Variants in SSBP4 observed in about 807,000 individuals in gnomAD.
SSBP4 encodes the protein single stranded DNA binding protein 4, also known as single-stranded DNA-binding protein 4.
In SSBP4, 33 loss-of-function variants were observed where a neutral mutation model predicts 64.6. That is an observed-to-expected ratio of 0.51 (90% CI 0.39 to 0.68). SSBP4 has a LOEUF of 0.68. Among genes scored for constraint, SSBP4 ranks in the 30% least tolerant of loss-of-function variants. The pLI is 0.00. For synonymous variants in SSBP4, 243 were observed against 224.0 expected, an observed-to-expected ratio of 1.08 and a Z score of -0.76; for missense variants, 583 against 566.8, an observed-to-expected ratio of 1.03 and a Z score of -0.29.
Position 18,431,809 on chromosome 19 carries a change from C to A in SSBP4, c.512C>A (p.Pro171His). The stretch of plus-strand genomic sequence containing the variant: ...CCTCCGCAGCCTCCCGCAGGCCTCC[C>A]TGGCTCCCAGCCCCTCCTCCCTGGC... ...RMPSQPPAGLPGSQPLLPGAM... is the reference protein window; with the variant it reads ...RMPSQPPAGLHGSQPLLPGAM... The change falls in exon 8 of 18, where the codon CCT becomes CAT. Residue 171 changes from proline (P) to histidine (H), a missense_variant. Physicochemically the swap from Pro to His is moderately conservative, Grantham distance 77. Transcript: ENST00000270061. 1 of 1,563,638 alleles carries A rather than the reference C, an allele frequency of 6.4e-7. No homozygotes were observed. Among genetic ancestry groups the A allele is most frequent in the African/African-American group, 1.4e-5 (1 of 73,826 alleles).
intron 1 of SSBP4, among the ~76,000 whole-genome samples, chr19:18,420,796 G>C (rs1214159976): frequency 6.6e-6 from 1 of 151,254 alleles, no homozygotes; most frequent in Admixed American, 6.6e-5. Flanking sequence ...AGGTTGCAGT[G>C]AGCCGAGATC....
At chr19:18,429,059 C>T (rs1398805934) in intron 4 of SSBP4, among the ~76,000 whole-genome samples, 3 of 152,182 alleles carry the variant, frequency 2.0e-5, no homozygotes, top group African/African-American at 7.2e-5. Flanking sequence ...GCAGCGCCGG[C>T]GCAGAGCGTA....
At chr19:18,414,653 C>G (rs930769271), upstream of SSBP4, among the ~76,000 whole-genome samples, 1 of 152,160 alleles carries the variant, frequency 6.6e-6, no homozygotes, top group African/African-American at 2.4e-5. Flanking sequence ...ACACAAGGTG[C>G]TAGAAGCACA....
chr19:18,433,363 C>G (rs1048691594), intron 15 of SSBP4, 150 bp downstream of exon 15: 3 of 1,276,580 alleles, frequency 2.4e-6, no homozygotes, highest in Non-Finnish European at 3.2e-6. Context: ...GGGGCTGCCC[C>G]GAGCTGGAGG....
At chr19:18,406,567 G>A in the SSBP4 span, among the ~76,000 whole-genome samples, 1 of 151,952 alleles carries the variant, frequency 6.6e-6, no homozygotes, top group Non-Finnish European at 1.5e-5. Flanking sequence ...AGGATCCGTT[G>A]GGCCCAGGAG....
intron 10 of SSBP4, 118 bp from the exon 11 acceptor site, chr19:18,432,441 C>T (rs1353867762): frequency 1.4e-6 from 2 of 1,444,310 alleles, no homozygotes; most frequent in Non-Finnish European, 1.9e-6. Flanking sequence ...TTTCCAGCAA[C>T]ATCTGCTGCT....
In SSBP4 at chr19:18,432,504, GGGCTGTGA is replaced by G. The variant is rs1973498507; in HGVS notation, c.705-54_705-47del. ...GCAGGGTGTGGGGGGTGTGTGGTGA[GGGCTGTGA>G]TCCACATGGACTAGCCCCAGAGTCT... On this transcript the variant is annotated intron_variant, in intron 10 of 17. Transcript: ENST00000270061. 17 of 1,528,880 alleles carry G rather than the reference GGGCTGTGA, an allele frequency of 1.1e-5. 1 individual carries two copies. The South Asian group carries it at 2.2e-4, about 19-fold the overall frequency. 94.7% of individuals were successfully genotyped at this position (1,528,880 alleles called of 1,614,324 possible). A position where few individuals can be genotyped will look rare whatever the true frequency, so the allele number is the denominator to read the frequency against.
upstream of SSBP4, among the ~76,000 whole-genome samples, chr19:18,417,427 C>T (rs1972158183): frequency 6.6e-6 from 1 of 152,170 alleles, no homozygotes; most frequent in Non-Finnish European, 1.5e-5. The surrounding 1 kb of genome is among the most constrained non-coding windows in gnomAD (Gnocchi z 5.4). Flanking sequence ...CTGGGGGTGG[C>T]AGGAGGGGCA....
chr19:18,407,477 C>T, the SSBP4 span, among the ~76,000 whole-genome samples: 2 of 152,090 alleles, frequency 1.3e-5, no homozygotes, highest in East Asian at 1.9e-4. Context: ...AGTGCAGTGG[C>T]GTGATCTGGG....
upstream of SSBP4, among the ~76,000 whole-genome samples, chr19:18,415,677 G>A (rs943747679): frequency 4.6e-5 from 7 of 152,190 alleles, no homozygotes; most frequent in African/African-American, 1.4e-4. Context: ...AGGAGCCTCA[G>A]TAGGCCAGGC....
chr19:18,421,656 C>T (rs945586383), intron 1 of SSBP4, among the ~76,000 whole-genome samples: 1 of 152,206 alleles, frequency 6.6e-6, no homozygotes, highest in Non-Finnish European at 1.5e-5. Flanking sequence ...GTGGAGGGCA[C>T]AGCAAGTGCA....
chr19:18,427,310 C>T lies in SSBP4; in HGVS notation c.60-41C>T. ...GAGGGGCTTTGGGGTGGGCCCTTGC[C>T]TTGGAGAGTCTGAGCTCCCTGGGCC... On this transcript the variant is annotated intron_variant, in intron 1 of 17. Transcript: ENST00000270061. The surrounding 1 kb of genome is among the most constrained non-coding windows in gnomAD (Gnocchi z 4.4). 3 of 1,600,930 alleles carry T rather than the reference C, an allele frequency of 1.9e-6. No homozygotes were observed. Among genetic ancestry groups the T allele is most frequent in the Non-Finnish European group, 2.5e-6 (3 of 1,176,768 alleles).
chr19:18,402,752 A>G, the SSBP4 span, among the ~76,000 whole-genome samples: 1 of 152,154 alleles, frequency 6.6e-6, no homozygotes, highest in Admixed American at 6.5e-5. Context: ...CCAGGGGCAC[A>G]ATGCACTGCA....
rs1343553831 is a variant in SSBP4, at chr19:18,432,529, C to T, written c.705-30C>T. On this transcript the variant is annotated intron_variant, in intron 10 of 17. Coordinates refer to ENST00000270061, the MANE Select transcript of SSBP4 (RefSeq NM_032627.5). ...GGGCTGTGATCCACATGGACTAGCCCCAGAGTCTGTCATCCGCGGTCTCTT... is the reference window on the plus strand; with the variant it reads ...GGGCTGTGATCCACATGGACTAGCCTCAGAGTCTGTCATCCGCGGTCTCTT... The T allele has an allele frequency of 3.2e-6, 5 of 1,552,008 alleles. No individual in the cohort carries two copies. In the South Asian group the frequency reaches 3.7e-5, roughly 11 times the overall value.
At position 18,428,001 on chromosome 19, in the gene SSBP4, G is replaced by C; in HGVS notation, c.279+19G>C. On this transcript the variant is annotated intron_variant, in intron 4 of 17. Coordinates refer to ENST00000270061, the MANE Select transcript of SSBP4 (RefSeq NM_032627.5). ...GGACTATGTGAGTCCTGGCCCCAGG[G>C]ACTCAGGGGCTCCAGGGCGGGAGGT... is the stretch of plus-strand genomic sequence containing the variant. 6.4e-7 allele frequency: 1 copy of C among 1,554,972 alleles called. No individual in the cohort carries two copies. Among genetic ancestry groups the C allele is most frequent in the South Asian group, 1.1e-5 (1 of 90,566 alleles).
the SSBP4 span, among the ~76,000 whole-genome samples, chr19:18,413,596 C>T: frequency 1.3e-5 from 2 of 152,180 alleles, 1 homozygote; most frequent in African/African-American, 4.8e-5. Flanking sequence ...ATGTGGGGCA[C>T]ATGGGTATCC....
At chr19:18,430,125 C>G (rs35183199) in intron 4 of SSBP4, among the ~76,000 whole-genome samples, 14,501 of 152,198 alleles carry the variant, frequency 0.095, 958 homozygotes, top group Non-Finnish European at 0.13. Flanking sequence ...TGGCCTGGAC[C>G]ATACAGACAG....
chr19:18,431,773 C>CA lies in SSBP4; in HGVS notation c.496-20_496-19insA. ...GGGAGGGAGCACCCCACACTCAGTG[C>CA]CGCCGCACCCCCTCCGCAGCCTCCC... On this transcript the variant is annotated intron_variant, in intron 7 of 17. Transcript: ENST00000270061. 1.3e-6 allele frequency: 2 copies of CA among 1,537,096 alleles called. No homozygotes were observed. The highest frequency in any genetic ancestry group is 1.8e-6 in the Non-Finnish European group (2 of 1,136,668).
rs1972291077 is a variant in SSBP4, at chr19:18,419,671, G to T, written c.23G>T (p.Gly8Val). MYAKGGK[G>V]SAVPSDSQAR... ...AGCATGTACGCCAAGGGGGGCAAGG[G>T]TTCGGCCGTGCCCTCCGACAGCCAG... The change falls in exon 1 of 18, where the codon GGT becomes GTT. Residue 8 changes from glycine to valine, a missense_variant. By Grantham distance (109) the Gly-to-Val change is moderately radical (BLOSUM62 -3). Transcript: ENST00000270061. 2 of 1,218,188 alleles carry T rather than the reference G, an allele frequency of 1.6e-6. No homozygotes were observed. Among genetic ancestry groups the T allele is most frequent in the Non-Finnish European group, 2.1e-6 (2 of 974,256 alleles). 75.5% of individuals were successfully genotyped at this position (1,218,188 alleles called of 1,614,324 possible).
Sources: gnomAD v4.1 joint callset for allele counts (sites outside exome capture counted in the v4.1 genomes callset) on GRCh38, gnomAD v4.1.1 for gene constraint, Gnocchi (gnomAD v3.1) non-coding constraint, MANE v1.5 for transcripts, NCBI Gene and HGNC (gene_info 2026-07-23, HGNC 2026-07-21) for gene names.